The following PLB1 variants were observed in gnomAD, a reference collection of about 807,000 sequenced individuals.
PLB1 encodes phospholipase B1, membrane-associated.
In PLB1, 242 loss-of-function variants were observed where a neutral mutation model predicts 227.4. The ratio of observed to expected loss-of-function variants is 1.06; its 90% confidence interval spans 0.96 to 1.18. PLB1 has a LOEUF of 1.18. PLB1 is among the 50% of genes most tolerant of loss of function. PLB1 has a pLI of 0.00. For synonymous variants in PLB1, 757 were observed against 682.2 expected (o/e 1.11, Z -1.71); for missense variants, 1,858 against 1,816.3 (o/e 1.02, Z -0.42).
chr2:28,566,981 G>A, intron 20 of PLB1, 142 bp downstream of exon 20: 1 of 819,240 alleles, frequency 1.2e-6, no homozygotes, highest in Non-Finnish European at 1.9e-6. Flanking sequence ...TGCCTCCCGA[G>A]ACTGCCGCCC....
intron 17 of PLB1, among the ~76,000 whole-genome samples, chr2:28,553,867 T>G (rs1674612055): frequency 6.6e-6 from 1 of 152,188 alleles, no homozygotes; most frequent in Non-Finnish European, 1.5e-5. Context: ...GATGTCACAG[T>G]GCCTAGCAAG....
intron 1 of PLB1, among the ~76,000 whole-genome samples, chr2:28,509,811 A>T (rs1294618569): frequency 6.6e-6 from 1 of 152,184 alleles, no homozygotes; most frequent in Non-Finnish European, 1.5e-5. Flanking sequence ...TGATGATGCC[A>T]CAGTGCTTCA....
chr2:28,620,548 C>T (rs368454721), intron 47 of PLB1, 52 bp from the exon 48 acceptor site: 2 of 1,567,776 alleles, frequency 1.3e-6, no homozygotes, highest in African/African-American at 1.3e-5. Context: ...TATGTTGACA[C>T]AGGGAGCAGC....
At position 28,582,499 on chromosome 2, in the gene PLB1, T is replaced by A. The variant is rs1680199059; in HGVS notation, c.1727T>A (p.Ile576Asn). The A allele has an allele frequency of 1.9e-6, 3 of 1,603,466 alleles. No individual in the cohort carries two copies. The highest frequency in any genetic ancestry group is 2.6e-6 in the Non-Finnish European group (3 of 1,173,778). Residue 576 changes from isoleucine (I) to asparagine (N), a missense_variant, in exon 25 of 58, where the codon ATC (isoleucine) becomes AAC (asparagine). Coordinates refer to ENST00000327757, the MANE Select transcript of PLB1 (RefSeq NM_153021.5). The stretch of plus-strand genomic sequence containing the variant: ...AAAAAAGTCTACTGCCCAAGGATGA[T>A]CCTCAGGTCAGACAGATACTTCTCC... ...QEKKVYCPRM[I>N]LRSLCPCVLK...
chr2:28,636,573 T>G (rs1476223494), intron 56 of PLB1, among the ~76,000 whole-genome samples: 1 of 151,990 alleles, frequency 6.6e-6, no homozygotes, highest in Non-Finnish European at 1.5e-5. Context: ...AACTAGAAAC[T>G]CCCCAAATGT....
chr2:28,525,369 T>C, intron 5 of PLB1, 62 bp downstream of exon 5: 1 of 1,541,998 alleles, frequency 6.5e-7, no homozygotes. Flanking sequence ...TCTAATCTTC[T>C]TGCCTTATTA....
intron 21 of PLB1, 114 bp from the exon 22 acceptor site, chr2:28,577,993 G>T: frequency 1.0e-6 from 1 of 995,696 alleles, no homozygotes; most frequent in Non-Finnish European, 1.6e-6. Flanking sequence ...CCATTTTCCT[G>T]CAGGAGGCCC....
Position 28,590,602 on chromosome 2 carries a change from G to A in PLB1, c.2088+526G>A, listed in dbSNP as rs1681737146. Among the ~76,000 whole-genome samples the A allele has an allele frequency of 2.0e-5, 3 of 152,240 alleles. No homozygotes were observed. In the South Asian group the frequency reaches 6.2e-4, roughly 32 times the overall value. On this transcript the variant is annotated intron_variant, in intron 29 of 57. Coordinates refer to ENST00000327757, the MANE Select transcript of PLB1 (RefSeq NM_153021.5). ...TTCTCAGAAAGATTCTTGGAGCTCT[G>A]CAGCAGCTGTCCTCGTCCCCAAGAA...
At chr2:28,626,650 GT>G in intron 51 of PLB1, 142 bp downstream of exon 51, 1 of 736,624 alleles carries the variant, frequency 1.4e-6, no homozygotes, top group African/African-American at 1.8e-5. Flanking sequence ...GCCCTCCCTG[GT>G]TTACACATGC....
chr2:28,553,850 G>T (rs1572934549), intron 17 of PLB1, among the ~76,000 whole-genome samples: 4 of 152,260 alleles, frequency 2.6e-5, no homozygotes, highest in African/African-American at 9.6e-5. Context: ...AGAAAATTAA[G>T]TTTGGGGATG....
intron 1 of PLB1, among the ~76,000 whole-genome samples, chr2:28,510,778 TTG>T (rs55672002): frequency 0.017 from 2,351 of 141,528 alleles, 34 homozygotes; most frequent in Middle Eastern, 0.071. Flanking sequence ...ACTCAGATAA[TTG>T]TGTGTGTGTG....
At chr2:28,591,638 G>T in intron 30 of PLB1, 62 bp from the exon 31 acceptor site, 1 of 1,543,654 alleles carries the variant, frequency 6.5e-7, no homozygotes, top group East Asian at 2.2e-5. Context: ...GGGTACATCT[G>T]ATAGCCAGTT....
chr2:28,618,720 G>A (rs1487450338), intron 46 of PLB1, among the ~76,000 whole-genome samples: 1 of 152,046 alleles, frequency 6.6e-6, no homozygotes, highest in Non-Finnish European at 1.5e-5. Context: ...CTTCATCAGG[G>A]GACTCATCTC....
chr2:28,580,748 G>T (rs985959512), intron 23 of PLB1, among the ~76,000 whole-genome samples: 2 of 152,040 alleles, frequency 1.3e-5, no homozygotes, highest in Non-Finnish European at 2.9e-5. Flanking sequence ...GTGGGACCCT[G>T]GTGTGTGGGA....
intron 9 of PLB1, among the ~76,000 whole-genome samples, chr2:28,533,360 C>A (rs1341073088): frequency 6.6e-6 from 1 of 152,192 alleles, no homozygotes. Context: ...TCTGTTTTCT[C>A]CAGTGCCGAG....
At chr2:28,505,222 G>C (rs889035153) in intron 1 of PLB1, among the ~76,000 whole-genome samples, 1 of 152,166 alleles carries the variant, frequency 6.6e-6, no homozygotes, top group Admixed American at 6.5e-5. Flanking sequence ...AGGAAGCTGA[G>C]GTCAGTCCTG....
intron 4 of PLB1, among the ~76,000 whole-genome samples, 174 bp from the exon 5 acceptor site, chr2:28,525,093 C>A (rs1033085728): frequency 5.3e-5 from 8 of 152,098 alleles, no homozygotes; most frequent in Admixed American, 5.2e-4. Context: ...ACGTGATCCT[C>A]CCTGTGCTCA....
At chr2:28,618,035 G>A (rs1473162286) in intron 45 of PLB1, among the ~76,000 whole-genome samples, 2 of 152,306 alleles carry the variant, frequency 1.3e-5, no homozygotes, top group East Asian at 1.9e-4. Context: ...CCTGCCCAGT[G>A]AGGCAGGTAG....
At chr2:28,576,998 G>A (rs1679072181) in intron 21 of PLB1, among the ~76,000 whole-genome samples, 1 of 152,180 alleles carries the variant, frequency 6.6e-6, no homozygotes, top group African/African-American at 2.4e-5. Flanking sequence ...CAATGATGAT[G>A]GTGGTAATGA....
Sources: allele counts gnomAD v4.1 joint callset (sites outside exome capture counted in the v4.1 genomes callset), GRCh38; gene constraint gnomAD v4.1.1; transcripts MANE v1.5; gene names NCBI Gene and HGNC (gene_info 2026-07-23, HGNC 2026-07-21).